FHIT: variants seen among roughly 807,000 people sequenced by gnomAD.
FHIT encodes fragile histidine triad diadenosine triphosphatase, also known as bis(5'-adenosyl)-triphosphatase.
In FHIT, 19 loss-of-function variants were observed where a neutral mutation model predicts 17.9. The observed-to-expected ratio is 1.06, with a 90% CI of 0.74 to 1.56. FHIT has a LOEUF of 1.56. Ranked by LOEUF, FHIT falls within the 40% of genes most tolerant of loss-of-function variation. FHIT has a pLI of 0.00. For missense variants in FHIT, 248 were observed against 189.2 expected, an observed-to-expected ratio of 1.31 and a Z score of -1.82; for synonymous variants, 81 against 69.7, an observed-to-expected ratio of 1.16 and a Z score of -0.81.
At chr3:60,709,630 G>T (rs1195438742) in intron 4 of FHIT, among the ~76,000 whole-genome samples, 1 of 152,152 alleles carries the variant, frequency 6.6e-6, no homozygotes, top group Non-Finnish European at 1.5e-5. Context: ...GGATTATGCA[G>T]ATCTTCCAAA....
intron 5 of FHIT, among the ~76,000 whole-genome samples, chr3:60,394,691 G>A (rs924706554): frequency 6.6e-6 from 1 of 152,168 alleles, no homozygotes; most frequent in Non-Finnish European, 1.5e-5. Context: ...TCTGCTGTGA[G>A]AATTAAGTGA....
At chr3:60,577,977 C>CT (rs1353776450) in intron 4 of FHIT, among the ~76,000 whole-genome samples, 2 of 152,148 alleles carry the variant, frequency 1.3e-5, no homozygotes, top group Admixed American at 6.6e-5. Context: ...AGCCCTAAGA[C>CT]TAAGTGTGTT....
At chr3:60,454,585 C>T (rs1451610973) in intron 5 of FHIT, among the ~76,000 whole-genome samples, 1 of 151,942 alleles carries the variant, frequency 6.6e-6, no homozygotes, top group Non-Finnish European at 1.5e-5. Context: ...GGGGTTTCAC[C>T]GTGTTAGCCA....
At chr3:60,660,704 G>T (rs2040219554) in intron 4 of FHIT, among the ~76,000 whole-genome samples, 1 of 70,050 alleles carries the variant, frequency 1.4e-5, no homozygotes, top group Non-Finnish European at 3.3e-5. Context: ...GATGGCTAAT[G>T]ATGTGGAATA....
chr3:60,350,784 CTCTCT>C lies in FHIT; in HGVS notation c.103+186071_103+186075del, dbSNP rs369214735. 3.1e-3 allele frequency among the ~76,000 whole-genome samples: 466 copies of C among 152,258 alleles called. 1 individual carries two copies. The highest frequency in any genetic ancestry group is 0.022 in the South Asian group (108 of 4,822). On this transcript the variant is annotated intron_variant, in intron 5 of 9. Transcript: ENST00000492590. ...TATTCATGCTCTTGTGTGTAATCTC[CTCTCT>C]TGAGTGTGAACAGTGTCAGTGATTT...
chr3:60,300,957 G>C (rs760273163), intron 5 of FHIT, among the ~76,000 whole-genome samples: 2 of 151,830 alleles, frequency 1.3e-5, no homozygotes, highest in Non-Finnish European at 2.9e-5. Flanking sequence ...AAGTTTCCCT[G>C]CTTCCAAACT....
chr3:60,003,453 T>G (rs186505928), intron 7 of FHIT, among the ~76,000 whole-genome samples: 395 of 152,320 alleles, frequency 2.6e-3, no homozygotes, highest in Non-Finnish European at 4.7e-3. Flanking sequence ...TTCCCCATTC[T>G]GTATTTAAGG....
At chr3:60,373,539 G>A (rs1011701946) in intron 5 of FHIT, among the ~76,000 whole-genome samples, 2 of 152,056 alleles carry the variant, frequency 1.3e-5, no homozygotes, top group Non-Finnish European at 2.9e-5. Flanking sequence ...ACAATGGGAA[G>A]CCAAGAAAGG....
chr3:60,353,912 G>T (rs923390985), intron 5 of FHIT, among the ~76,000 whole-genome samples: 5 of 151,984 alleles, frequency 3.3e-5, no homozygotes, highest in Admixed American at 1.3e-4. Flanking sequence ...GAGAAATTTG[G>T]TAATATGACC....
chr3:60,593,601 G>A (rs1227671048), intron 4 of FHIT, among the ~76,000 whole-genome samples: 1 of 152,096 alleles, frequency 6.6e-6, no homozygotes, highest in East Asian at 1.9e-4. Flanking sequence ...TATTCTTGGA[G>A]TATGTTATAG....
intron 8 of FHIT, among the ~76,000 whole-genome samples, chr3:59,769,046 G>C (rs1268321233): frequency 6.6e-6 from 1 of 152,126 alleles, no homozygotes; most frequent in Non-Finnish European, 1.5e-5. Context: ...AGGAAAGCTG[G>C]AAAGAAAACC....
At chr3:60,576,949 T>TACACACACACACACACACACACAC (rs57891077) in intron 4 of FHIT, among the ~76,000 whole-genome samples, 11 of 146,746 alleles carry the variant, frequency 7.5e-5, no homozygotes, top group African/African-American at 2.5e-4. Flanking sequence ...TCCATTTGCA[T>TACACACACACACACACACACACAC]ACACACACAC....
chr3:60,244,709 T>C (rs973538550), intron 5 of FHIT, among the ~76,000 whole-genome samples: 8 of 152,136 alleles, frequency 5.3e-5, no homozygotes, highest in Non-Finnish European at 8.8e-5. Context: ...CACGTGTTGC[T>C]TGTTTATGAG....
chr3:60,233,049 C>G (rs1384382915), intron 5 of FHIT, among the ~76,000 whole-genome samples: 1 of 152,064 alleles, frequency 6.6e-6, no homozygotes, highest in African/African-American at 2.4e-5. Context: ...AGGGGTGCAG[C>G]TGGAGAGAAG....
At chr3:60,698,335 C>G (rs945907796) in intron 4 of FHIT, among the ~76,000 whole-genome samples, 1 of 152,004 alleles carries the variant, frequency 6.6e-6, no homozygotes, top group Non-Finnish European at 1.5e-5. Context: ...ATAAAAGAGG[C>G]GTTTCAGGAA....
chr3:59,795,203 T>G (rs1699728672), intron 8 of FHIT, among the ~76,000 whole-genome samples: 2 of 152,034 alleles, frequency 1.3e-5, no homozygotes, highest in Admixed American at 6.6e-5. Flanking sequence ...CTGGCCAACA[T>G]GGTGAAACCC....
At chr3:60,546,645 A>G (rs574358892) in intron 4 of FHIT, among the ~76,000 whole-genome samples, 13 of 152,210 alleles carry the variant, frequency 8.5e-5, no homozygotes, top group African/African-American at 3.1e-4. Context: ...CTTCTTTTGA[A>G]TCTTACTTTC....
chr3:60,546,452 G>A (rs1034855447), intron 4 of FHIT, among the ~76,000 whole-genome samples: 4 of 151,820 alleles, frequency 2.6e-5, no homozygotes, highest in African/African-American at 4.8e-5. Context: ...TCCCATCTTC[G>A]TCATGTCCTA....
intron 5 of FHIT, among the ~76,000 whole-genome samples, chr3:60,481,552 A>T (rs2033610376): frequency 6.6e-6 from 1 of 152,196 alleles, no homozygotes; most frequent in Admixed American, 6.5e-5. Context: ...TTTTCAACCC[A>T]GAATTTCATA....
Sources: gnomAD v4.1 joint callset for allele counts (sites outside exome capture counted in the v4.1 genomes callset) on GRCh38, gnomAD v4.1.1 for gene constraint, MANE v1.5 for transcripts, NCBI Gene and HGNC (gene_info 2026-07-23, HGNC 2026-07-21) for gene names.